ITGA10: variants seen among roughly 807,000 people sequenced by gnomAD.
The protein encoded by ITGA10 is integrin subunit alpha 10.
Under a neutral mutation model 145.2 loss-of-function variants are expected in ITGA10, and 105 were observed. That is an observed-to-expected ratio of 0.72 (90% confidence interval 0.62 to 0.85). The LOEUF (loss-of-function observed/expected upper bound fraction) is 0.85, where lower values mean the gene tolerates loss of function less well. Among genes scored for constraint, ITGA10 ranks in the 40% least tolerant of loss-of-function variants. The probability of loss-of-function intolerance (pLI) is 0.00; values close to 1 mark genes in which losing one functional copy is unlikely to be tolerated. For synonymous variants in ITGA10, 506 were observed against 557.8 expected (o/e 0.91, Z 1.31); for missense variants, 1,317 against 1,444.5 (o/e 0.91, Z 1.43).
chr1:145,893,505 T>C (rs911051113), intron 28 of ITGA10, 35 bp downstream of exon 28: 1 of 1,537,196 alleles, frequency 6.5e-7, no homozygotes, highest in South Asian at 1.2e-5. Context: ...ATCATCATTA[T>C]TTTCACAGCT....
At chr1:145,907,644 C>G (rs180754022) in intron 1 of ITGA10, 179 bp from the exon 2 acceptor site, 1 of 980,496 alleles carries the variant, frequency 1.0e-6, no homozygotes, top group Non-Finnish European at 1.2e-6. Context: ...GATTCCCTTC[C>G]TGTGTTTGTG....
chr1:145,900,202 G>A lies in ITGA10; in HGVS notation c.1792-15C>T. 6.2e-7 allele frequency: 1 copy of A among 1,606,630 alleles called. No homozygotes were observed. Among genetic ancestry groups the A allele is most frequent in the Non-Finnish European group, 8.5e-7 (1 of 1,176,356 alleles). On this transcript the variant is annotated splice_polypyrimidine_tract_variant and intron_variant, in intron 14 of 29. Coordinates refer to ENST00000369304, the MANE Select transcript of ITGA10 (RefSeq NM_003637.5). ...GCAGCAATCCTCTGAGAGGAAGAGA[G>A]AGAATACTGAGGCAGGGACCCATAC...
intron 1 of ITGA10, among the ~76,000 whole-genome samples, chr1:145,908,006 A>G (rs1553751985): frequency 2.0e-5 from 3 of 151,730 alleles, no homozygotes; most frequent in African/African-American, 4.8e-5. Flanking sequence ...TCCTGACCTC[A>G]TGATCCGCCC....
chr1:145,901,271 G>T lies in ITGA10; in HGVS notation c.1451C>A (p.Ser484Ter). 6.2e-7 allele frequency: 1 copy of T among 1,614,098 alleles called. No homozygotes were observed. The highest frequency in any genetic ancestry group is 1.1e-5 in the South Asian group (1 of 91,074). Residue 484 changes from serine to a stop codon, truncating the protein, a stop_gained, in exon 13 of 30, where the codon TCA (serine) becomes TAA (stop). Transcript: ENST00000369304. LOFTEE classifies it high-confidence loss of function. The surrounding 1 kb of genome is among the most constrained non-coding windows in gnomAD (Gnocchi z 4.3). ...TGGGCAGAGCTCACTGCCAAAGTAT[G>T]AACCAATCTGGGGAATGGTGGGTGA... Reference protein sequence around the residue: ...AQSLQGEQIGSYFGSELCPLD... With the variant: ...AQSLQGEQIG
At chr1:145,902,133 G>T in intron 10 of ITGA10, 112 bp from the exon 11 acceptor site, 1 of 1,570,012 alleles carries the variant, frequency 6.4e-7, no homozygotes, top group African/African-American at 1.4e-5. Flanking sequence ...AGTTGGAAAG[G>T]CATGGGAAGG....
intron 1 of ITGA10, 149 bp from the exon 2 acceptor site, chr1:145,907,614 T>A: frequency 6.9e-7 from 1 of 1,456,662 alleles, no homozygotes; most frequent in Non-Finnish European, 9.0e-7. Context: ...TGTCATGTAC[T>A]CAGAGCTCCA....
rs374418570 is a variant in ITGA10, at chr1:145,907,427, G to A, written c.91C>T (p.Arg31Cys). The A allele has an allele frequency of 1.1e-5, 18 of 1,614,020 alleles. No individual in the cohort carries two copies. Among genetic ancestry groups the A allele is most frequent in the African/African-American group, 2.7e-5 (2 of 74,902 alleles). ...SPFNLDEHHPRLFPGPPEAEF... is the reference protein window; with the variant it reads ...SPFNLDEHHPCLFPGPPEAEF... Reference sequence around the variant, plus strand: ...GCTTCTGGTGGCCCTGGGAATAGGCGTGGGTGATGTTCATCCAGGTTAAAG... The same window carrying A: ...GCTTCTGGTGGCCCTGGGAATAGGCATGGGTGATGTTCATCCAGGTTAAAG... The change falls in exon 2 of 30, where the codon CGC becomes TGC. Residue 31 changes from arginine (R) to cysteine (C), a missense_variant. Coordinates refer to ENST00000369304, the MANE Select transcript of ITGA10 (RefSeq NM_003637.5).
At chr1:145,893,048 A>G in intron 29 of ITGA10, 113 bp downstream of exon 29, 1 of 926,604 alleles carries the variant, frequency 1.1e-6, no homozygotes, top group Non-Finnish European at 1.8e-6. Flanking sequence ...TCTGGGCATG[A>G]CATCCACAGC....
chr1:145,898,637 G>T (rs1655790192), intron 17 of ITGA10, among the ~76,000 whole-genome samples: 1 of 152,058 alleles, frequency 6.6e-6, no homozygotes, highest in South Asian at 2.1e-4. Context: ...CAAAGTGCTG[G>T]GATTACAAGC....
chr1:145,900,171 G>C lies in ITGA10; in HGVS notation c.1808C>G (p.Ser603Cys). Residue 603 changes from serine (S) to cysteine (C), a missense_variant, in exon 15 of 30, where the codon TCC (serine) becomes TGC (cysteine). Ser to Cys is a moderately radical substitution (Grantham distance 112). Coordinates refer to ENST00000369304, the MANE Select transcript of ITGA10 (RefSeq NM_003637.5). The stretch of plus-strand genomic sequence containing the variant: ...AAAGTAGCTGAGGGCATGTGGCATG[G>C]AGGCAGCAGCAATCCTCTGAGAGGA... ...PHPAQRIAAA[S>C]MPHALSYFGR... is the part of the protein sequence containing the mutation. 1.2e-6 allele frequency: 2 copies of C among 1,613,414 alleles called. No homozygotes were observed. Among genetic ancestry groups the C allele is most frequent in the South Asian group, 2.2e-5 (2 of 90,988 alleles).
At chr1:145,894,468 A>G (rs1655115118) in intron 27 of ITGA10, among the ~76,000 whole-genome samples, 1 of 152,200 alleles carries the variant, frequency 6.6e-6, no homozygotes, top group Admixed American at 6.5e-5. Flanking sequence ...TGAAAAAAAG[A>G]TACCAAAGAA....
Position 145,897,008 on chromosome 1 carries a change from C to T in ITGA10, c.2744+3G>A, listed in dbSNP as rs587671539. ...TCTGGAAGAAAGTTCCCTTCATTCT[C>T]ACCTGCTGGCAGTCAGCTTCACGAA... On this transcript the variant is annotated splice_donor_region_variant and intron_variant, in intron 22 of 29. Transcript: ENST00000369304. The T allele has an allele frequency of 1.2e-6, 2 of 1,613,550 alleles. No homozygotes were observed. Among genetic ancestry groups the T allele is most frequent in the South Asian group, 1.1e-5 (1 of 91,074 alleles).
chr1:145,901,873 T>A lies in ITGA10; in HGVS notation c.1294+4A>T, dbSNP rs376309156. 23 of 1,613,936 alleles carry A rather than the reference T, an allele frequency of 1.4e-5. No individual in the cohort carries two copies. In the African/African-American group the frequency reaches 2.7e-4, roughly 19 times the overall value. ...TAAGTCCTCTGCAACTCTCTGCTGC[T>A]CACCCAGGTAGGCTGCATGGTTCTG... On this transcript the variant is annotated splice_donor_region_variant and intron_variant, in intron 11 of 29. Coordinates refer to ENST00000369304, the MANE Select transcript of ITGA10 (RefSeq NM_003637.5). The surrounding 1 kb of genome is among the most constrained non-coding windows in gnomAD (Gnocchi z 4.3).
chr1:145,893,039 C>G, intron 29 of ITGA10, 122 bp downstream of exon 29: 1 of 902,806 alleles, frequency 1.1e-6, no homozygotes, highest in Non-Finnish European at 1.8e-6. Context: ...TGAAGGAGAT[C>G]TGGGCATGAC....
chr1:145,899,396 G>A, intron 15 of ITGA10, 55 bp from the exon 16 acceptor site: 1 of 1,571,198 alleles, frequency 6.4e-7, no homozygotes, highest in South Asian at 1.2e-5. Flanking sequence ...CCTCTGAGAA[G>A]TGCAAGCCCA....
rs587695396 is a variant in ITGA10, at chr1:145,896,780, G to A, written c.2823C>T (p.Leu941=). The A allele has an allele frequency of 4.3e-6, 7 of 1,613,594 alleles. No individual in the cohort carries two copies. The highest frequency in any genetic ancestry group is 5.9e-6 in the Non-Finnish European group (7 of 1,179,524). The part of the protein sequence containing the change: ...TSAYIQYEPH[L]LFSSESTLHR... ...GAAGCTGGGCATACCTAGAGAACAG[G>A]AGGTGGGGCTCATATTGGATGTAGG... The change falls in exon 23 of 30, where the codon CTC becomes CTT. Residue 941 remains leucine, a synonymous_variant. Transcript: ENST00000369304.
At position 145,897,540 on chromosome 1, in the gene ITGA10, TTTCTAGAGAAGATGAGACTCAGGCTCGTA is replaced by T; in HGVS notation, c.2517_2545del (p.Asn839LysfsTer49). The T allele has an allele frequency of 6.2e-7, 1 of 1,613,694 alleles. No individual in the cohort carries two copies. Among genetic ancestry groups the T allele is most frequent in the Non-Finnish European group, 8.5e-7 (1 of 1,179,942 alleles). On this transcript the variant is annotated frameshift_variant, in exon 20 of 30. Transcript: ENST00000369304. LOFTEE classifies it high-confidence loss of function. ...AGGAGTGAGACTGGCCAGGTGGAGG[TTTCTAGAGAAGATGAGACTCAGGCTCGTA>T]TTGTAAGCATTTTCCTTTCTGTTCT...
In ITGA10 at chr1:145,897,168, C is replaced by A. The variant is rs1476207386; in HGVS notation, c.2667+79G>T. On this transcript the variant is annotated intron_variant, in intron 21 of 29. Transcript: ENST00000369304. ...AGGAACAGGAGCCCTTGTGCGCCCCCTTCCCTGAAGTCCCAGGACCCTCAG... is the reference window on the plus strand; with the variant it reads ...AGGAACAGGAGCCCTTGTGCGCCCCATTCCCTGAAGTCCCAGGACCCTCAG... 12 of 1,568,216 alleles carry A rather than the reference C, an allele frequency of 7.7e-6. No individual in the cohort carries two copies. The Middle Eastern group carries it at 6.7e-4, about 88-fold the overall frequency.
chr1:145,901,915 T>C lies in ITGA10; in HGVS notation c.1256A>G (p.Glu419Gly). ...LFPPRMALED[E>G]FPPALQNHAA... ...ATGGTTCTGCAATGCAGGGGGGAAC[T>C]CGTCTTCCAGTGCCATTCGTGGGGG... is the stretch of plus-strand genomic sequence containing the variant. Residue 419 changes from glutamate to glycine, a missense_variant, in exon 11 of 30, where the codon GAG becomes GGG. Coordinates refer to ENST00000369304, the MANE Select transcript of ITGA10 (RefSeq NM_003637.5). The surrounding 1 kb of genome is among the most constrained non-coding windows in gnomAD (Gnocchi z 4.3). 6.2e-7 allele frequency: 1 copy of C among 1,614,136 alleles called. No individual in the cohort carries two copies. The highest frequency in any genetic ancestry group is 8.5e-7 in the Non-Finnish European group (1 of 1,180,014).
Sources: allele counts gnomAD v4.1 joint callset (sites outside exome capture counted in the v4.1 genomes callset), GRCh38; gene constraint gnomAD v4.1.1; non-coding constraint Gnocchi (gnomAD v3.1); transcripts MANE v1.5; gene names NCBI Gene and HGNC (gene_info 2026-07-23, HGNC 2026-07-21).